The following PHF14 variants were observed in gnomAD, a reference collection of about 807,000 sequenced individuals.
PHF14 encodes the protein PHD finger protein 14.
PHF14 carries 55 observed loss-of-function variants against 117.9 expected under a neutral mutation model. The ratio of observed to expected loss-of-function variants is 0.47; its 90% CI spans 0.38 to 0.58. PHF14 has a LOEUF of 0.58. PHF14 is among the 20% of genes least tolerant of loss of function. PHF14 has a pLI of 0.00. For synonymous variants in PHF14, 409 were observed against 368.6 expected, an observed-to-expected ratio of 1.11 and a Z score of -1.26; for missense variants, 978 against 1,122.2, an observed-to-expected ratio of 0.87 and a Z score of 1.84.
rs1005329304 is a variant in PHF14 at position 11,126,404 on chromosome 7, A to G, written c.2772+14937A>G. The stretch of plus-strand genomic sequence containing the variant: ...GCAGGCTAAGTGCTGTAAAGGATAG[A>G]TATTTCTTTACCTTTCCTTGTGACA... On this transcript the variant is annotated intron_variant, in intron 17 of 17. Transcript: ENST00000634607. 3.3e-5 allele frequency among the ~76,000 whole-genome samples: 5 copies of G among 152,194 alleles called. No individual in the cohort carries two copies. In the East Asian group the frequency reaches 7.7e-4, roughly 23 times the overall value.
At chr7:11,080,239 C>T (rs1201062571) in intron 16 of PHF14, among the ~76,000 whole-genome samples, 1 of 151,960 alleles carries the variant, frequency 6.6e-6, no homozygotes, top group African/African-American at 2.4e-5. Flanking sequence ...GGTGTAGGCC[C>T]TGTCACATCG....
At chr7:11,154,518 C>G (rs1334268171) in intron 17 of PHF14, among the ~76,000 whole-genome samples, 2 of 152,044 alleles carry the variant, frequency 1.3e-5, no homozygotes, top group East Asian at 3.9e-4. Context: ...ATTTCTGTAC[C>G]AAATCATTAT....
chr7:11,110,447 G>T, intron 16 of PHF14: 1 of 395,920 alleles, frequency 2.5e-6, no homozygotes, highest in Non-Finnish European at 3.4e-6. Flanking sequence ...GTTAAATTTT[G>T]GTCTTGTTAT....
intron 3 of PHF14, among the ~76,000 whole-genome samples, chr7:10,983,755 T>C (rs1782125731): frequency 6.6e-6 from 1 of 152,168 alleles, no homozygotes; most frequent in East Asian, 1.9e-4. Flanking sequence ...AGTAAATAAA[T>C]TCTCTCTACA....
chr7:10,985,641 T>TG, intron 3 of PHF14, among the ~76,000 whole-genome samples: 2 of 89,452 alleles, frequency 2.2e-5, no homozygotes, highest in Admixed American at 1.0e-4. Context: ...TCAAACTGTT[T>TG]TTTTTTTTTT....
At position 11,035,215 on chromosome 7, in the gene PHF14, A is replaced by G. The variant is rs181593731; in HGVS notation, c.1456-425A>G. On this transcript the variant is annotated intron_variant, in intron 7 of 17. Transcript: ENST00000634607. ...GTATTAGGTATTATAAGTAATGTAG[A>G]GACTGCTTAAAATATGTGGGAGAAT... Among the ~76,000 whole-genome samples, 43 of 152,244 alleles carry G rather than the reference A, an allele frequency of 2.8e-4. No homozygotes were observed. In the East Asian group the frequency reaches 6.6e-3, roughly 23 times the overall value.
intron 16 of PHF14, among the ~76,000 whole-genome samples, chr7:11,080,502 C>A (rs1193404143): frequency 6.6e-6 from 1 of 152,010 alleles, no homozygotes; most frequent in African/African-American, 2.4e-5. Context: ...ATAACTTTTT[C>A]AGTAGATTTT....
At chr7:11,086,659 G>T (rs1786420764) in intron 16 of PHF14, among the ~76,000 whole-genome samples, 1 of 152,022 alleles carries the variant, frequency 6.6e-6, no homozygotes, top group Admixed American at 6.6e-5. Flanking sequence ...TTAATTAGTG[G>T]TACTTATTTA....
chr7:11,057,326 G>C (rs1327393045), intron 14 of PHF14, among the ~76,000 whole-genome samples: 3 of 152,056 alleles, frequency 2.0e-5, no homozygotes, highest in Non-Finnish European at 4.4e-5. Flanking sequence ...AAAAGTTAGA[G>C]AAATGTTTAA....
At chr7:10,995,036 G>A (rs1379889590) in intron 4 of PHF14, among the ~76,000 whole-genome samples, 1 of 152,158 alleles carries the variant, frequency 6.6e-6, no homozygotes, top group African/African-American at 2.4e-5. Context: ...GCTGATTGGT[G>A]TGTTTACAAT....
chr7:11,015,243 C>G (rs1225489588), intron 5 of PHF14: 2 of 151,778 alleles, frequency 1.3e-5, no homozygotes, highest in Non-Finnish European at 2.9e-5. Flanking sequence ...TTATTTTTAT[C>G]ATTTTTGCCT....
intron 4 of PHF14, among the ~76,000 whole-genome samples, chr7:11,011,252 T>A (rs1349085950): frequency 6.6e-6 from 1 of 152,236 alleles, no homozygotes; most frequent in African/African-American, 2.4e-5. Flanking sequence ...TTTGTTTAAC[T>A]CAGTATTCAT....
intron 2 of PHF14, among the ~76,000 whole-genome samples, chr7:10,976,857 A>G (rs1456444577): frequency 1.4e-5 from 2 of 146,230 alleles, no homozygotes; most frequent in African/African-American, 2.5e-5. Context: ...TGCACTCATA[A>G]TTTACCTTCC....
chr7:11,122,352 T>TATATACACACACACACACAC, intron 17 of PHF14, among the ~76,000 whole-genome samples: 2 of 65,876 alleles, frequency 3.0e-5, no homozygotes, highest in East Asian at 1.2e-3. Flanking sequence ...TATATATATA[T>TATATACACACACACACACAC]ACACACACAC....
intron 17 of PHF14, among the ~76,000 whole-genome samples, chr7:11,155,260 G>A (rs879005876): frequency 6.6e-6 from 1 of 152,118 alleles, no homozygotes; most frequent in Admixed American, 6.6e-5. Flanking sequence ...GGGTAGTGTA[G>A]GTATCAAAGT....
intron 17 of PHF14, among the ~76,000 whole-genome samples, chr7:11,164,420 C>T (rs2128357930): frequency 6.6e-6 from 1 of 152,224 alleles, no homozygotes; most frequent in African/African-American, 2.4e-5. Flanking sequence ...ATAATATCAA[C>T]ATTATGAATA....
At chr7:11,155,074 A>C (rs769833218) in intron 17 of PHF14, among the ~76,000 whole-genome samples, 1 of 152,182 alleles carries the variant, frequency 6.6e-6, no homozygotes, top group Non-Finnish European at 1.5e-5. Context: ...TCGTAAAGTT[A>C]AGCCTAGAAA....
intron 4 of PHF14, among the ~76,000 whole-genome samples, chr7:10,994,152 A>G (rs886700709): frequency 6.6e-5 from 10 of 151,948 alleles, no homozygotes; most frequent in African/African-American, 2.4e-4. Context: ...GAATGTAAAG[A>G]TCTCAGCCAA....
At chr7:11,041,150 A>G (rs1583402512) in intron 12 of PHF14, among the ~76,000 whole-genome samples, 1 of 152,094 alleles carries the variant, frequency 6.6e-6, no homozygotes, top group Non-Finnish European at 1.5e-5. Flanking sequence ...ATGTATATAT[A>G]TAGAATGAAT....
Sources: allele counts gnomAD v4.1 joint callset (sites outside exome capture counted in the v4.1 genomes callset), GRCh38; gene constraint gnomAD v4.1.1; transcripts MANE v1.5; gene names NCBI Gene and HGNC (gene_info 2026-07-23, HGNC 2026-07-21).